Variants in LRRC4C observed in about 807,000 individuals in gnomAD.
LRRC4C encodes the protein leucine-rich repeat-containing protein 4C.
Under a neutral mutation model 33.6 loss-of-function variants are expected in LRRC4C, and 5 were observed. That is an observed-to-expected ratio of 0.15 (90% confidence interval 0.08 to 0.31). The LOEUF is 0.31. Ranked by LOEUF, LRRC4C falls within the 10% of genes least tolerant of loss-of-function variation. The pLI, the probability that LRRC4C is intolerant of heterozygous loss-of-function variation, is 1.00. For synonymous variants in LRRC4C, 329 were observed against 302.0 expected (o/e 1.09, Z -0.93); for missense variants, 560 against 796.7 (o/e 0.70, Z 3.58).
intron 2 of LRRC4C, among the ~76,000 whole-genome samples, chr11:40,871,926 G>T (rs61886586): frequency 6.6e-6 from 1 of 152,118 alleles, no homozygotes; most frequent in Non-Finnish European, 1.5e-5. Flanking sequence ...TTGAATATGT[G>T]CCTTCCATCT....
chr11:41,386,486 C>T lies in LRRC4C; in HGVS notation c.-496+72945G>A, dbSNP rs1355310602. 7.9e-5 allele frequency among the ~76,000 whole-genome samples: 12 copies of T among 151,582 alleles called. No homozygotes were observed. The East Asian group carries it at 2.1e-3, about 27-fold the overall frequency. ...ACAAATCTAGTATCTTAACTGCAGG[C>T]TTTGTTCAGATTTCCACTGGTGTCC... On this transcript the variant is annotated intron_variant, in intron 1 of 6. Coordinates refer to ENST00000528697, the MANE Select transcript of LRRC4C (RefSeq NM_001258419.2).
chr11:41,315,224 C>A (rs1950752845), intron 1 of LRRC4C, among the ~76,000 whole-genome samples: 1 of 152,120 alleles, frequency 6.6e-6, no homozygotes, highest in African/African-American at 2.4e-5. Flanking sequence ...CATATCAATG[C>A]CTACATTTGG....
intron 5 of LRRC4C, among the ~76,000 whole-genome samples, chr11:40,154,838 A>G (rs189026674): frequency 3.3e-4 from 50 of 152,306 alleles, no homozygotes; most frequent in Admixed American, 2.9e-3. Context: ...TTTAAACTAT[A>G]CCTTGGAACA....
chr11:40,431,612 A>G (rs1950940087), intron 3 of LRRC4C, among the ~76,000 whole-genome samples: 3 of 151,910 alleles, frequency 2.0e-5, no homozygotes, highest in African/African-American at 7.3e-5. Context: ...AAAGTCCCCA[A>G]ATATTAAACT....
intron 2 of LRRC4C, among the ~76,000 whole-genome samples, chr11:40,915,781 T>G (rs1300158314): frequency 6.6e-6 from 1 of 151,964 alleles, no homozygotes; most frequent in Middle Eastern, 3.2e-3. Context: ...GGGAGAAAAT[T>G]TTTGCAATCT....
chr11:40,497,937 T>G (rs1441726844), intron 3 of LRRC4C, among the ~76,000 whole-genome samples: 1 of 152,190 alleles, frequency 6.6e-6, no homozygotes, highest in East Asian at 1.9e-4. Flanking sequence ...AGACCAGTAT[T>G]TCTGACTTTT....
Position 40,623,732 on chromosome 11 carries a change from T to C in LRRC4C, c.-270+24410A>G, listed in dbSNP as rs550482295. 1.4e-4 allele frequency among the ~76,000 whole-genome samples: 21 copies of C among 152,198 alleles called. 1 individual carries two copies. In the South Asian group the frequency reaches 3.9e-3, roughly 29 times the overall value. On this transcript the variant is annotated intron_variant, in intron 3 of 6. Transcript: ENST00000528697. ...CTGAGCATGAATAACATACAAATGT[T>C]GTCTCTTGAGAGTACCTCACTTCTT... is the stretch of plus-strand genomic sequence containing the variant.
At chr11:41,310,954 T>C (rs1950627852) in intron 1 of LRRC4C, among the ~76,000 whole-genome samples, 1 of 152,248 alleles carries the variant, frequency 6.6e-6, no homozygotes, top group South Asian at 2.1e-4. Context: ...AAAGACAATA[T>C]AGCAATTTAA....
intron 2 of LRRC4C, among the ~76,000 whole-genome samples, chr11:40,815,737 A>C (rs1362931865): frequency 6.6e-6 from 1 of 152,162 alleles, no homozygotes; most frequent in African/African-American, 2.4e-5. Context: ...CCATCAGCTC[A>C]GTGCACTGGT....
intron 2 of LRRC4C, among the ~76,000 whole-genome samples, chr11:40,732,815 GTACT>G (rs1947659157): frequency 6.6e-6 from 1 of 152,258 alleles, no homozygotes; most frequent in East Asian, 1.9e-4. Context: ...GGTATGCCAA[GTACT>G]TACTACTTTG....
At chr11:40,904,965 A>G (rs1956356737) in intron 2 of LRRC4C, among the ~76,000 whole-genome samples, 1 of 152,164 alleles carries the variant, frequency 6.6e-6, no homozygotes. Flanking sequence ...CCTCATGTCA[A>G]AAAATACAAG....
chr11:41,242,452 A>G (rs1948291191), intron 1 of LRRC4C, among the ~76,000 whole-genome samples: 1 of 152,114 alleles, frequency 6.6e-6, no homozygotes, highest in Non-Finnish European at 1.5e-5. Context: ...GAGGATTATG[A>G]GAGATGGATG....
intron 4 of LRRC4C, among the ~76,000 whole-genome samples, chr11:40,313,288 T>C (rs886672697): frequency 3.3e-5 from 5 of 152,184 alleles, no homozygotes; most frequent in South Asian, 2.1e-4. Flanking sequence ...ATCACTGTTA[T>C]AGATTAAGGC....
At chr11:41,041,242 C>T (rs558242915) in intron 1 of LRRC4C, among the ~76,000 whole-genome samples, 27 of 151,874 alleles carry the variant, frequency 1.8e-4, no homozygotes, top group Non-Finnish European at 3.5e-4. Flanking sequence ...AGTTACTGGT[C>T]CCAAGTAAAG....
intron 3 of LRRC4C, among the ~76,000 whole-genome samples, chr11:40,513,318 A>G (rs1421270944): frequency 6.6e-6 from 1 of 152,074 alleles, no homozygotes; most frequent in African/African-American, 2.4e-5. Flanking sequence ...AGGAAGAAGT[A>G]CTTTTTATAT....
chr11:41,382,145 T>A (rs1172056747), intron 1 of LRRC4C, among the ~76,000 whole-genome samples: 3 of 151,858 alleles, frequency 2.0e-5, no homozygotes, highest in African/African-American at 7.2e-5. Context: ...AATAAGGTAA[T>A]CTATATATAA....
At chr11:40,442,915 T>C (rs1951459546) in intron 3 of LRRC4C, among the ~76,000 whole-genome samples, 1 of 152,166 alleles carries the variant, frequency 6.6e-6, no homozygotes, top group African/African-American at 2.4e-5. Flanking sequence ...ACTTTACAGA[T>C]GCAAAATGTT....
chr11:40,266,170 G>A (rs527291425), intron 4 of LRRC4C, among the ~76,000 whole-genome samples: 3 of 152,148 alleles, frequency 2.0e-5, no homozygotes, highest in Non-Finnish European at 4.4e-5. Flanking sequence ...CGGTTGGGTG[G>A]CAGCTGTAGT....
Position 41,264,358 on chromosome 11 carries a change from G to A in LRRC4C, c.-496+195073C>T, listed in dbSNP as rs147427561. On this transcript the variant is annotated intron_variant, in intron 1 of 6. Coordinates refer to ENST00000528697, the MANE Select transcript of LRRC4C (RefSeq NM_001258419.2). The stretch of plus-strand genomic sequence containing the variant: ...GCCTGCCTCGGACTCCCAAAATGCT[G>A]GGATTACAGTCGTAAGCCACCATGC... 2.7e-3 allele frequency among the ~76,000 whole-genome samples: 408 copies of A among 152,142 alleles called. 1 individual carries two copies. Among genetic ancestry groups the A allele is most frequent in the Non-Finnish European group, 4.8e-3 (323 of 67,994 alleles).
Sources: allele counts gnomAD v4.1 joint callset (sites outside exome capture counted in the v4.1 genomes callset), GRCh38; gene constraint gnomAD v4.1.1; transcripts MANE v1.5; gene names NCBI Gene and HGNC (gene_info 2026-07-23, HGNC 2026-07-21).